The following ALG5 variants were observed in gnomAD, a reference collection of about 807,000 sequenced individuals.
ALG5 encodes dolichyl-phosphate beta-glucosyltransferase.
A neutral mutation model predicts 51.8 loss-of-function variants in ALG5; 26 were observed. That is an observed-to-expected ratio of 0.50 (90% CI 0.37 to 0.70). The LOEUF is 0.70. Ranked by LOEUF, ALG5 falls within the 30% of genes least tolerant of loss-of-function variation. The pLI is 0.00. For synonymous variants in ALG5, 141 were observed against 136.1 expected, an observed-to-expected ratio of 1.04 and a Z score of -0.25; for missense variants, 311 against 399.3, an observed-to-expected ratio of 0.78 and a Z score of 1.88.
intron 4 of ALG5, 81 bp from the exon 5 acceptor site, chr13:36,989,657 A>C: frequency 9.5e-7 from 1 of 1,050,290 alleles, no homozygotes; most frequent in Non-Finnish European, 1.4e-6. Flanking sequence ...GCTTTGGCTC[A>C]AACACTGCTA....
chr13:36,958,629 G>C (rs1014543979), intron 8 of ALG5, among the ~76,000 whole-genome samples: 5 of 152,048 alleles, frequency 3.3e-5, no homozygotes, highest in Admixed American at 2.6e-4. Context: ...GCAGCACTTG[G>C]GTTTTCCTGT....
chr13:36,970,888 G>A (rs1381183249), intron 7 of ALG5, among the ~76,000 whole-genome samples: 1 of 152,206 alleles, frequency 6.6e-6, no homozygotes, highest in African/African-American at 2.4e-5. Context: ...TGCATCCTGG[G>A]TGACAGAGCG....
intron 9 of ALG5, among the ~76,000 whole-genome samples, chr13:36,951,775 G>A (rs1216143828): frequency 1.3e-5 from 2 of 152,164 alleles, no homozygotes; most frequent in East Asian, 3.9e-4. Context: ...GACATTTGGA[G>A]TAAAAACACT....
At chr13:36,993,765 A>G (rs559647948) in intron 3 of ALG5, 93 bp from the exon 4 acceptor site, 2 of 956,278 alleles carry the variant, frequency 2.1e-6, no homozygotes, top group Admixed American at 3.7e-5. Flanking sequence ...CAACTGCTTT[A>G]GTGTTGATAC....
intron 8 of ALG5, among the ~76,000 whole-genome samples, chr13:36,964,987 G>A (rs1248174193): frequency 1.3e-5 from 2 of 151,836 alleles, no homozygotes; most frequent in Non-Finnish European, 2.9e-5. Context: ...AGGAGTGAGT[G>A]GGAAGCAAGA....
intron 4 of ALG5, 36 bp downstream of exon 4, chr13:36,993,568 C>G (rs1236609299): frequency 6.4e-7 from 1 of 1,564,282 alleles, no homozygotes; most frequent in African/African-American, 1.4e-5. Context: ...TCTCTATTTT[C>G]TAACTATTGT....
At chr13:36,986,771 T>A (rs9576149) in intron 5 of ALG5, among the ~76,000 whole-genome samples, 53,230 of 151,882 alleles carry the variant, frequency 0.35, 10,509 homozygotes, top group East Asian at 0.72. Flanking sequence ...CAAAAAAATT[T>A]AAAAAATTAG....
chr13:36,980,005 T>C (rs2058972435), intron 6 of ALG5, among the ~76,000 whole-genome samples: 1 of 152,038 alleles, frequency 6.6e-6, no homozygotes, highest in African/African-American at 2.4e-5. Flanking sequence ...CAAGATCGCA[T>C]CACTGCACTC....
chr13:36,958,214 T>C (rs1374706313), intron 8 of ALG5, among the ~76,000 whole-genome samples: 1 of 152,086 alleles, frequency 6.6e-6, no homozygotes, highest in Non-Finnish European at 1.5e-5. Flanking sequence ...TCCATGCCGC[T>C]GTACCACCAC....
At position 36,999,271 on chromosome 13, in the gene ALG5, C is replaced by G. The variant is rs574584993; in HGVS notation, c.30G>C (p.Val10=). 5 of 1,580,608 alleles carry G rather than the reference C, an allele frequency of 3.2e-6. No individual in the cohort carries two copies. The highest frequency in any genetic ancestry group is 2.5e-5 in the East Asian group (1 of 40,218). MAPLLLQLA[V]LGAALAAAAL... is the part of the protein sequence containing the mutation. ...CTGCGGCCGCCAGCGCCGCGCCGAG[C>G]ACCGCCAGCTGCAACAGAAGCGGAG... Residue 10 remains valine (V), a synonymous_variant, in exon 1 of 10, where the codon GTG becomes GTC. Coordinates refer to ENST00000239891, the MANE Select transcript of ALG5 (RefSeq NM_013338.5).
At chr13:36,975,663 A>C (rs991905795) in intron 6 of ALG5, among the ~76,000 whole-genome samples, 3 of 152,200 alleles carry the variant, frequency 2.0e-5, no homozygotes, top group African/African-American at 7.2e-5. Context: ...TGTATTTTAG[A>C]TTTCCTTCTT....
intron 7 of ALG5, among the ~76,000 whole-genome samples, chr13:36,969,531 T>G (rs1349266892): frequency 6.6e-6 from 1 of 151,918 alleles, no homozygotes; most frequent in Non-Finnish European, 1.5e-5. Context: ...TTTTATTTAT[T>G]TATTTATTTA....
At chr13:36,991,887 C>CCT (rs1206181313) in intron 4 of ALG5, among the ~76,000 whole-genome samples, 1 of 152,158 alleles carries the variant, frequency 6.6e-6, no homozygotes, top group Non-Finnish European at 1.5e-5. Flanking sequence ...CCCACCTTGG[C>CCT]CTCCCAAAGT....
At chr13:36,958,447 G>A (rs1345948306) in intron 8 of ALG5, among the ~76,000 whole-genome samples, 1 of 152,092 alleles carries the variant, frequency 6.6e-6, no homozygotes, top group African/African-American at 2.4e-5. Context: ...TCTTCAAATG[G>A]AGCCCCAGAT....
intron 7 of ALG5, chr13:36,967,926 T>C: frequency 3.3e-6 from 2 of 602,622 alleles, no homozygotes; most frequent in South Asian, 4.0e-5. Context: ...TGAGCTTATT[T>C]GTTCGCAAAT....
At chr13:36,970,270 A>G (rs1205115285) in intron 7 of ALG5, among the ~76,000 whole-genome samples, 2 of 152,078 alleles carry the variant, frequency 1.3e-5, no homozygotes, top group African/African-American at 4.8e-5. Context: ...GAGAATCTCT[A>G]GGATACATAG....
intron 4 of ALG5, 130 bp from the exon 5 acceptor site, chr13:36,989,706 T>C (rs967145263): frequency 1.2e-5 from 8 of 644,286 alleles, no homozygotes; most frequent in Non-Finnish European, 1.8e-5. Flanking sequence ...TTACACCCAC[T>C]GTACATTCTG....
chr13:36,987,681 C>T (rs2059008164), intron 5 of ALG5, among the ~76,000 whole-genome samples: 1 of 152,166 alleles, frequency 6.6e-6, no homozygotes, highest in Non-Finnish European at 1.5e-5. Flanking sequence ...TATATGTTAT[C>T]CAGTCTCAGG....
chr13:36,979,771 A>G (rs2058970815), intron 6 of ALG5, among the ~76,000 whole-genome samples: 1 of 152,178 alleles, frequency 6.6e-6, no homozygotes, highest in South Asian at 2.1e-4. Context: ...TTTAAGGGCC[A>G]GGCGTGGTGA....
Sources: gnomAD v4.1 joint callset for allele counts (sites outside exome capture counted in the v4.1 genomes callset) on GRCh38, gnomAD v4.1.1 for gene constraint, MANE v1.5 for transcripts, NCBI Gene and HGNC (gene_info 2026-07-23, HGNC 2026-07-21) for gene names.